ZNF385D: variants seen among roughly 807,000 people sequenced by gnomAD.
ZNF385D encodes the protein zinc finger protein 385D, also known as zinc finger protein 659.
ZNF385D carries 15 observed loss-of-function variants against 35.8 expected under a neutral mutation model. The ratio of observed to expected loss-of-function variants is 0.42; its 90% CI spans 0.28 to 0.64. The LOEUF (loss-of-function observed/expected upper bound fraction) is 0.64, where lower values mean the gene tolerates loss of function less well. Among genes scored for constraint, ZNF385D ranks in the 30% least tolerant of loss-of-function variants. ZNF385D has a pLI of 0.23. For missense variants in ZNF385D, 474 were observed against 494.6 expected, an observed-to-expected ratio of 0.96 and a Z score of 0.39; for synonymous variants, 212 against 186.8, an observed-to-expected ratio of 1.13 and a Z score of -1.10.
chr3:22,240,735 GTGTAAT>G (rs1169392992), intron 2 of ZNF385D, among the ~76,000 whole-genome samples: 3 of 150,926 alleles, frequency 2.0e-5, no homozygotes, highest in Non-Finnish European at 2.9e-5. Context: ...GTCAAACATT[GTGTAAT>G]TGTAATTGTA....
intron 2 of ZNF385D, among the ~76,000 whole-genome samples, chr3:21,588,787 A>C (rs1184992080): frequency 6.6e-6 from 1 of 152,158 alleles, no homozygotes; most frequent in Non-Finnish European, 1.5e-5. Context: ...GACCTACTAG[A>C]CATCAAGCCT....
intron 2 of ZNF385D, among the ~76,000 whole-genome samples, chr3:22,317,874 A>G (rs1703987817): frequency 6.6e-6 from 1 of 152,132 alleles, no homozygotes; most frequent in South Asian, 2.1e-4. Context: ...CAGCCTGGCC[A>G]ACATGGTGAA....
chr3:22,219,596 G>A (rs73038453), intron 2 of ZNF385D, among the ~76,000 whole-genome samples: 5,697 of 152,120 alleles, frequency 0.037, 170 homozygotes, highest in Non-Finnish European at 0.047. Flanking sequence ...TCTGAAACCC[G>A]TAGGACTAGA....
At chr3:21,695,543 G>A (rs2067440102) in intron 1 of ZNF385D, among the ~76,000 whole-genome samples, 1 of 152,122 alleles carries the variant, frequency 6.6e-6, no homozygotes, top group South Asian at 2.1e-4. Flanking sequence ...AGCCCATCCA[G>A]CTAATGCCAG....
At chr3:21,635,278 A>G (rs1388515867) in intron 2 of ZNF385D, among the ~76,000 whole-genome samples, 1 of 152,170 alleles carries the variant, frequency 6.6e-6, no homozygotes, top group East Asian at 1.9e-4. Flanking sequence ...AACAAAATGT[A>G]TAAATAATTA....
chr3:21,555,280 A>C (rs2062694431), intron 3 of ZNF385D, among the ~76,000 whole-genome samples: 1 of 151,180 alleles, frequency 6.6e-6, no homozygotes, highest in Non-Finnish European at 1.5e-5. Flanking sequence ...GGTTTGTTAC[A>C]TAGGTATACA....
chr3:22,212,022 A>T (rs1491876), intron 2 of ZNF385D, among the ~76,000 whole-genome samples: 51,879 of 151,890 alleles, frequency 0.34, 9,129 homozygotes, highest in African/African-American at 0.39. Context: ...TAATTCACAA[A>T]TGGTAATCCT....
At chr3:21,531,738 T>A (rs2061927187) in intron 3 of ZNF385D, among the ~76,000 whole-genome samples, 1 of 152,118 alleles carries the variant, frequency 6.6e-6, no homozygotes, top group Admixed American at 6.6e-5. Context: ...TGCCAAGGGT[T>A]AGAGTGGAAG....
At chr3:22,217,630 T>G (rs1402039665) in intron 2 of ZNF385D, among the ~76,000 whole-genome samples, 1 of 152,184 alleles carries the variant, frequency 6.6e-6, no homozygotes, top group Admixed American at 6.5e-5. Context: ...TATTTTGTGT[T>G]AAAAGATTTG....
At chr3:21,784,857 G>A (rs1202490693) in intron 3 of ZNF385D, among the ~76,000 whole-genome samples, 2 of 152,106 alleles carry the variant, frequency 1.3e-5, no homozygotes, top group Non-Finnish European at 2.9e-5. Flanking sequence ...CACTGTTACT[G>A]ATTGTGATTT....
chr3:21,529,126 C>T (rs890486069), intron 3 of ZNF385D, among the ~76,000 whole-genome samples: 5 of 152,040 alleles, frequency 3.3e-5, no homozygotes, highest in Admixed American at 2.0e-4. Flanking sequence ...TCAGTTCTTA[C>T]TAAGTCAATA....
intron 2 of ZNF385D, among the ~76,000 whole-genome samples, chr3:21,598,718 A>G (rs2125754645): frequency 6.6e-6 from 1 of 152,360 alleles, no homozygotes; most frequent in African/African-American, 2.4e-5. Flanking sequence ...CTTAAATAAT[A>G]AAGGAAATAA....
At chr3:22,274,384 T>A (rs979996211) in intron 2 of ZNF385D, among the ~76,000 whole-genome samples, 1 of 151,972 alleles carries the variant, frequency 6.6e-6, no homozygotes, top group African/African-American at 2.4e-5. Context: ...GGATGACAAA[T>A]TAATGATTCA....
At chr3:21,561,733 G>A (rs1444192936) in intron 3 of ZNF385D, among the ~76,000 whole-genome samples, 2 of 152,114 alleles carry the variant, frequency 1.3e-5, no homozygotes, top group Non-Finnish European at 2.9e-5. Flanking sequence ...CACACACAAC[G>A]TTTATTAATT....
At chr3:21,814,797 A>G (rs2073078259) in intron 3 of ZNF385D, among the ~76,000 whole-genome samples, 1 of 152,210 alleles carries the variant, frequency 6.6e-6, no homozygotes, top group Admixed American at 6.5e-5. Flanking sequence ...TAACAAGGAT[A>G]TCCAGGAATT....
At chr3:21,462,979 A>C (rs1478167822) in intron 4 of ZNF385D, among the ~76,000 whole-genome samples, 1 of 152,168 alleles carries the variant, frequency 6.6e-6, no homozygotes, top group Non-Finnish European at 1.5e-5. Context: ...TGAAAACTCT[A>C]TCTCAAAAAC....
intron 2 of ZNF385D, among the ~76,000 whole-genome samples, chr3:22,313,800 G>T (rs1459717716): frequency 6.6e-6 from 1 of 152,104 alleles, no homozygotes; most frequent in Non-Finnish European, 1.5e-5. Context: ...ATGGGAATTT[G>T]TTATCCTTCA....
intron 3 of ZNF385D, among the ~76,000 whole-genome samples, chr3:21,823,451 A>C (rs1183244301): frequency 6.8e-6 from 1 of 148,126 alleles, no homozygotes; most frequent in Non-Finnish European, 1.5e-5. Context: ...ACACACACAC[A>C]TGCACATACA....
chr3:21,688,668 A>G (rs1199071456), intron 1 of ZNF385D, among the ~76,000 whole-genome samples: 1 of 152,182 alleles, frequency 6.6e-6, no homozygotes, highest in East Asian at 1.9e-4. Flanking sequence ...ATTCTTCCAT[A>G]AACTATTGCT....
Sources: gnomAD v4.1 joint callset for allele counts (sites outside exome capture counted in the v4.1 genomes callset) on GRCh38, gnomAD v4.1.1 for gene constraint, MANE v1.5 for transcripts, NCBI Gene and HGNC (gene_info 2026-07-23, HGNC 2026-07-21) for gene names.